Variants in RGS5 observed in about 807,000 individuals in gnomAD.
RGS5 encodes regulator of G protein signaling 5.
RGS5 carries 20 observed loss-of-function variants against 18.9 expected under a neutral mutation model. The ratio of observed to expected loss-of-function variants is 1.06; its 90% confidence interval spans 0.74 to 1.54. RGS5 has a LOEUF of 1.54. Among genes scored for constraint, RGS5 ranks in the 40% most tolerant of loss-of-function variants. The pLI is 0.00. For synonymous variants in RGS5, 57 were observed against 76.2 expected, an observed-to-expected ratio of 0.75 and a Z score of 1.31; for missense variants, 201 against 211.8, an observed-to-expected ratio of 0.95 and a Z score of 0.32.
In RGS5 at chr1:163,146,747, A is replaced by G. The variant is rs1460395587; in HGVS notation, c.*595T>C. ...ATAAACATAATATATTCATGGTTGT[A>G]TCTCTTATTTATAATACCCAACTAA... On this transcript the variant is annotated 3_prime_UTR_variant, in exon 5 of 5. Transcript: ENST00000313961. 6.6e-6 allele frequency: 1 copy of G among 152,208 alleles called. No homozygotes were observed. Among genetic ancestry groups the G allele is most frequent in the African/African-American group, 2.4e-5 (1 of 41,448 alleles). The allele number at this position is 152,208 out of a possible 1,614,324, so 9.4% of individuals were successfully genotyped here. A position where few individuals can be genotyped will look rare whatever the true frequency, so the allele number is the denominator to read the frequency against.
upstream of RGS5, among the ~76,000 whole-genome samples, chr1:163,220,399 T>C (rs1416716900): frequency 2.6e-5 from 4 of 152,218 alleles, no homozygotes; most frequent in Non-Finnish European, 5.9e-5. Context: ...ATCCAAACTT[T>C]CTATTTCAGA....
chr1:163,264,010 G>GATGT (rs1648516172), intron 2 of RGS5, among the ~76,000 whole-genome samples: 1 of 151,978 alleles, frequency 6.6e-6, no homozygotes, highest in African/African-American at 2.4e-5. Flanking sequence ...AGTTTTGACT[G>GATGT]ATGTATGTAT....
chr1:163,155,879 T>C (rs973949903), intron 3 of RGS5, among the ~76,000 whole-genome samples: 1 of 152,136 alleles, frequency 6.6e-6, no homozygotes, highest in Non-Finnish European at 1.5e-5. Flanking sequence ...CCTGATTATC[T>C]GGTCTTATGG....
chr1:163,159,557 G>A (rs952925510), intron 3 of RGS5, among the ~76,000 whole-genome samples: 5 of 152,132 alleles, frequency 3.3e-5, no homozygotes, highest in African/African-American at 1.2e-4. Flanking sequence ...GGCATGGCTT[G>A]CCTTTGTTTC....
upstream of RGS5, among the ~76,000 whole-genome samples, chr1:163,203,671 A>G (rs1335834397): frequency 6.6e-6 from 1 of 152,162 alleles, no homozygotes; most frequent in East Asian, 1.9e-4. Flanking sequence ...GAGTATAATG[A>G]TATTATCTCT....
At chr1:163,179,749 A>G (rs1411228004) in intron 1 of RGS5, among the ~76,000 whole-genome samples, 2 of 152,218 alleles carry the variant, frequency 1.3e-5, no homozygotes, top group Non-Finnish European at 2.9e-5. Flanking sequence ...TAGCTCCTCC[A>G]GCTATAAAAA....
At chr1:163,171,425 T>C (rs1206076797) in intron 1 of RGS5, among the ~76,000 whole-genome samples, 2 of 152,182 alleles carry the variant, frequency 1.3e-5, no homozygotes, top group East Asian at 1.9e-4. Flanking sequence ...GTGGAATCCA[T>C]GCTGCAACTG....
chr1:163,218,371 A>G (rs1002997787), upstream of RGS5, among the ~76,000 whole-genome samples: 1 of 152,194 alleles, frequency 6.6e-6, no homozygotes, highest in Non-Finnish European at 1.5e-5. Flanking sequence ...GTATCACATT[A>G]TAGTTGTTAC....
chr1:163,170,828 T>C (rs539735281), intron 1 of RGS5, among the ~76,000 whole-genome samples: 2 of 152,304 alleles, frequency 1.3e-5, no homozygotes, highest in Admixed American at 6.5e-5. Flanking sequence ...ACTGGGACTG[T>C]TCTGCCGAGG....
intron 2 of RGS5, among the ~76,000 whole-genome samples, chr1:163,259,386 G>C (rs888072720): frequency 8.0e-5 from 12 of 149,794 alleles, no homozygotes; most frequent in African/African-American, 3.0e-4. Flanking sequence ...GGATGGTCTC[G>C]ATCTCCTGAC....
chr1:163,205,503 C>G (rs977469362), upstream of RGS5, among the ~76,000 whole-genome samples: 8 of 151,968 alleles, frequency 5.3e-5, no homozygotes, highest in African/African-American at 1.9e-4. Flanking sequence ...TCTGTAATAG[C>G]AAAGAAAAAG....
chr1:163,289,322 G>A (rs1165104081), intron 2 of RGS5, among the ~76,000 whole-genome samples: 1 of 151,594 alleles, frequency 6.6e-6, no homozygotes, highest in African/African-American at 2.4e-5. Flanking sequence ...TTCTTGGTGT[G>A]TCCAACTCAT....
chr1:163,173,037 A>G (rs115236125), intron 1 of RGS5, among the ~76,000 whole-genome samples: 265 of 152,332 alleles, frequency 1.7e-3, no homozygotes, highest in African/African-American at 6.0e-3. Context: ...TTCCCTTTAT[A>G]GATAAACTTG....
chr1:163,167,500 T>A (rs1191789431), intron 2 of RGS5, among the ~76,000 whole-genome samples: 1 of 152,206 alleles, frequency 6.6e-6, no homozygotes, highest in South Asian at 2.1e-4. Context: ...CAATGCACAC[T>A]GTGAGACCTG....
intron 4 of RGS5, among the ~76,000 whole-genome samples, chr1:163,147,706 C>T (rs539927735): frequency 6.6e-6 from 1 of 152,104 alleles, no homozygotes; most frequent in Non-Finnish European, 1.5e-5. Context: ...GTATTAGACA[C>T]CCACCAGGTG....
chr1:163,249,377 A>G (rs1402900896), intron 2 of RGS5, among the ~76,000 whole-genome samples: 1 of 152,224 alleles, frequency 6.6e-6, no homozygotes, highest in Non-Finnish European at 1.5e-5. Context: ...TATGTTTTTC[A>G]CAACATGAAA....
intron 1 of RGS5, among the ~76,000 whole-genome samples, chr1:163,198,935 G>T (rs1406366552): frequency 6.6e-6 from 1 of 152,144 alleles, no homozygotes; most frequent in South Asian, 2.1e-4. Context: ...CTCCCAAAGT[G>T]CTGGGATTAC....
chr1:163,277,475 C>G (rs1415553385), intron 2 of RGS5, among the ~76,000 whole-genome samples: 1 of 152,182 alleles, frequency 6.6e-6, no homozygotes, highest in East Asian at 1.9e-4. Flanking sequence ...ACCCCTGGCT[C>G]ATCCTTTAAA....
intron 1 of RGS5, among the ~76,000 whole-genome samples, chr1:163,175,589 C>T (rs1237495058): frequency 6.6e-6 from 1 of 152,142 alleles, no homozygotes; most frequent in Non-Finnish European, 1.5e-5. Context: ...AAAGGCAGTG[C>T]CGGGTGATTG....
Sources: allele counts gnomAD v4.1 joint callset (sites outside exome capture counted in the v4.1 genomes callset), GRCh38; gene constraint gnomAD v4.1.1; transcripts MANE v1.5; gene names NCBI Gene and HGNC (gene_info 2026-07-23, HGNC 2026-07-21).